Variants in MDGA2 observed in about 807,000 individuals in gnomAD.
MDGA2 encodes MAM domain containing glycosylphosphatidylinositol anchor 2.
In MDGA2, 40 loss-of-function variants were observed where a neutral mutation model predicts 117.8. The ratio of observed to expected loss-of-function variants is 0.34; its 90% CI spans 0.26 to 0.44. The LOEUF (loss-of-function observed/expected upper bound fraction) is 0.44, where lower values mean the gene tolerates loss of function less well. Ranked by LOEUF, MDGA2 falls within the 20% of genes least tolerant of loss-of-function variation. The probability of loss-of-function intolerance (pLI) is 1.00; values close to 1 mark genes in which losing one functional copy is unlikely to be tolerated. For synonymous variants in MDGA2, 452 were observed against 439.0 expected (o/e 1.03, Z -0.37); for missense variants, 1,123 against 1,250.6 (o/e 0.90, Z 1.54).
At chr14:47,337,858 C>A (rs1203582171) in intron 1 of MDGA2, among the ~76,000 whole-genome samples, 1 of 152,036 alleles carries the variant, frequency 6.6e-6, no homozygotes, top group Admixed American at 6.6e-5. Flanking sequence ...AAAAAAACTA[C>A]ATGTCACACC....
chr14:47,667,510 G>A (rs1426991716), intron 1 of MDGA2, among the ~76,000 whole-genome samples: 1 of 152,158 alleles, frequency 6.6e-6, no homozygotes, highest in Non-Finnish European at 1.5e-5. Context: ...CCTTAAGATG[G>A]TATTTCTTCA....
At position 47,601,090 on chromosome 14, in the gene MDGA2, C is replaced by A. The variant is rs370434883; in HGVS notation, c.280+73427G>T. Among the ~76,000 whole-genome samples the A allele has an allele frequency of 6.0e-4, 92 of 152,204 alleles. 2 individuals are homozygous for A. The South Asian group carries it at 0.018, about 30-fold the overall frequency. On this transcript the variant is annotated intron_variant, in intron 1 of 16. Coordinates refer to ENST00000399232, the MANE Select transcript of MDGA2 (RefSeq NM_001113498.3). ...ATTTTATATGAAGTCAAACAGAAAT[C>A]CTAAGCATCTTAATTTAACAAATAT...
intron 1 of MDGA2, among the ~76,000 whole-genome samples, chr14:47,431,510 C>T (rs753373418): frequency 6.6e-6 from 1 of 151,848 alleles, no homozygotes; most frequent in African/African-American, 2.4e-5. Context: ...TTAAATATTA[C>T]GCCTTTGGTA....
intron 1 of MDGA2, among the ~76,000 whole-genome samples, chr14:47,361,757 T>C (rs1891130990): frequency 1.3e-5 from 2 of 152,114 alleles, no homozygotes; most frequent in African/African-American, 4.8e-5. Context: ...AACTGAGGAC[T>C]CAGTTGTTTG....
chr14:47,636,335 G>A (rs1255706146), intron 1 of MDGA2, among the ~76,000 whole-genome samples: 7 of 152,142 alleles, frequency 4.6e-5, no homozygotes, highest in Non-Finnish European at 4.4e-5. Context: ...CCTCAAAGCT[G>A]TCTAATTGTG....
At chr14:47,068,712 G>A (rs1190003535) in intron 6 of MDGA2, among the ~76,000 whole-genome samples, 2 of 152,132 alleles carry the variant, frequency 1.3e-5, no homozygotes, top group Non-Finnish European at 2.9e-5. Flanking sequence ...ACTAGAAACA[G>A]CTATCAGATG....
At chr14:46,933,453 T>A (rs942918969) in intron 9 of MDGA2, among the ~76,000 whole-genome samples, 4 of 151,894 alleles carry the variant, frequency 2.6e-5, no homozygotes, top group African/African-American at 9.7e-5. Context: ...TTATTATTTT[T>A]AAAATTATCT....
intron 1 of MDGA2, among the ~76,000 whole-genome samples, chr14:47,391,395 T>A (rs1226629375): frequency 6.6e-6 from 1 of 152,174 alleles, no homozygotes. Flanking sequence ...AATAGACAAG[T>A]GTGAAACTGC....
chr14:47,577,078 A>G (rs1160509711), intron 1 of MDGA2, among the ~76,000 whole-genome samples: 2 of 152,140 alleles, frequency 1.3e-5, no homozygotes. Flanking sequence ...AAGATGGTAA[A>G]GTTAATCATG....
At chr14:46,977,459 T>G (rs566965375) in intron 8 of MDGA2, among the ~76,000 whole-genome samples, 1 of 151,914 alleles carries the variant, frequency 6.6e-6, no homozygotes, top group Non-Finnish European at 1.5e-5. Flanking sequence ...TAGTAAGTAA[T>G]CACAATTAGA....
chr14:47,219,364 A>C (rs1008514539), intron 2 of MDGA2, among the ~76,000 whole-genome samples: 6 of 152,078 alleles, frequency 3.9e-5, no homozygotes, highest in African/African-American at 1.2e-4. Flanking sequence ...AAATGTTATT[A>C]AGAGATGAAT....
At chr14:47,363,020 T>C (rs1891156648) in intron 1 of MDGA2, among the ~76,000 whole-genome samples, 1 of 152,158 alleles carries the variant, frequency 6.6e-6, no homozygotes, top group South Asian at 2.1e-4. Context: ...TAACACAATT[T>C]TCTATCCTTG....
intron 1 of MDGA2, among the ~76,000 whole-genome samples, chr14:47,435,862 T>C (rs1417707082): frequency 6.6e-6 from 1 of 152,108 alleles, no homozygotes; most frequent in East Asian, 1.9e-4. Flanking sequence ...CCATTCCCTA[T>C]GAATCTGGCA....
At chr14:47,154,830 G>C (rs1202194114) in intron 3 of MDGA2, among the ~76,000 whole-genome samples, 2 of 152,184 alleles carry the variant, frequency 1.3e-5, no homozygotes, top group African/African-American at 2.4e-5. Context: ...TGGGCGGAAA[G>C]GGGCAGGACC....
chr14:47,178,639 AACTC>A lies in MDGA2; in HGVS notation c.596-34369_596-34366del, dbSNP rs1179583741. Among the ~76,000 whole-genome samples the A allele has an allele frequency of 8.5e-5, 13 of 152,324 alleles. No homozygotes were observed. In the South Asian group the frequency reaches 2.3e-3, roughly 27 times the overall value. ...TAAAAGAACATTTCTACTTTGGAATAACTCACAATTCAATGAGGCAGAAAGAAAC... is the reference window on the plus strand; with the variant it reads ...TAAAAGAACATTTCTACTTTGGAATAACAATTCAATGAGGCAGAAAGAAAC... On this transcript the variant is annotated intron_variant, in intron 3 of 16. Transcript: ENST00000399232.
intron 1 of MDGA2, among the ~76,000 whole-genome samples, chr14:47,621,743 T>A (rs1026675068): frequency 6.6e-6 from 1 of 152,220 alleles, no homozygotes; most frequent in Non-Finnish European, 1.5e-5. Flanking sequence ...TAAGAAGGAC[T>A]AAGACATATC....
chr14:46,931,525 C>CTT (rs34478677), intron 9 of MDGA2, among the ~76,000 whole-genome samples: 38,698 of 128,598 alleles, frequency 0.3, 6,579 homozygotes, highest in South Asian at 0.41. Context: ...TTTATTTTTG[C>CTT]TTTTTTTTTT....
intron 2 of MDGA2, among the ~76,000 whole-genome samples, chr14:47,242,454 A>G (rs1467076320): frequency 1.3e-5 from 2 of 151,822 alleles, no homozygotes; most frequent in Non-Finnish European, 2.9e-5. Context: ...GAGAGGCACG[A>G]GCGGGAACCG....
chr14:47,200,769 GC>G, intron 3 of MDGA2: 1 of 836,188 alleles, frequency 1.2e-6, no homozygotes, highest in Non-Finnish European at 2.0e-6. Flanking sequence ...TGAGCCAGGC[GC>G]CCCAGTTAGG....
Sources: allele counts gnomAD v4.1 joint callset (sites outside exome capture counted in the v4.1 genomes callset), GRCh38; gene constraint gnomAD v4.1.1; transcripts MANE v1.5; gene names NCBI Gene and HGNC (gene_info 2026-07-23, HGNC 2026-07-21).